The following HERC3 variants were observed in gnomAD, a reference collection of about 807,000 sequenced individuals.
HERC3 encodes probable E3 ubiquitin-protein ligase HERC3.
Under a neutral mutation model 129.9 loss-of-function variants are expected in HERC3, and 58 were observed. That is an observed-to-expected ratio of 0.45 (90% CI 0.36 to 0.56). HERC3 has a LOEUF of 0.56. Ranked by LOEUF, HERC3 falls within the 20% of genes least tolerant of loss-of-function variation. The pLI is 0.00. For synonymous variants in HERC3, 430 were observed against 451.0 expected, an observed-to-expected ratio of 0.95 and a Z score of 0.59; for missense variants, 835 against 1,244.2, an observed-to-expected ratio of 0.67 and a Z score of 4.95.
intron 23 of HERC3, chr4:88,696,733 C>T (rs1241657863): frequency 6.5e-6 from 1 of 154,476 alleles, no homozygotes; most frequent in Non-Finnish European, 1.4e-5. Flanking sequence ...AGCAAAGTCT[C>T]AAAGATGACG....
At chr4:88,657,703 G>A (rs530129804) in intron 9 of HERC3, among the ~76,000 whole-genome samples, 61 of 152,342 alleles carry the variant, frequency 4.0e-4, no homozygotes, top group Middle Eastern at 6.8e-3. Context: ...TAATGTGGGA[G>A]CACAGAGGAA....
the HERC3 span, among the ~76,000 whole-genome samples, chr4:88,566,995 C>T: frequency 1.3e-5 from 2 of 152,038 alleles, no homozygotes. Context: ...CACTTTGTTG[C>T]CCAGGTTGGT....
At chr4:88,697,598 C>T in intron 23 of HERC3, 1 of 1,613,616 alleles carries the variant, frequency 6.2e-7, no homozygotes, top group Non-Finnish European at 8.5e-7. Context: ...TGGGGCTCCT[C>T]AGCCATCTGA....
intron 3 of HERC3, among the ~76,000 whole-genome samples, chr4:88,614,588 C>T (rs1342830578): frequency 1.3e-5 from 2 of 152,140 alleles, no homozygotes; most frequent in South Asian, 4.1e-4. Context: ...ACCCATTAGA[C>T]TACTGTTTGT....
At chr4:88,599,452 C>T (rs1722750272) in intron 2 of HERC3, among the ~76,000 whole-genome samples, 1 of 151,968 alleles carries the variant, frequency 6.6e-6, no homozygotes, top group African/African-American at 2.4e-5. Context: ...TTGAAGTTTT[C>T]TTGAACAATA....
the HERC3 span, among the ~76,000 whole-genome samples, chr4:88,540,946 T>C: frequency 2.6e-5 from 4 of 152,198 alleles, no homozygotes; most frequent in Non-Finnish European, 5.9e-5. Flanking sequence ...AAGGAAGCAC[T>C]AAATATCGAA....
intron 23 of HERC3, chr4:88,697,846 G>A (rs1343755788): frequency 6.7e-7 from 1 of 1,481,482 alleles, no homozygotes; most frequent in East Asian, 2.3e-5. Context: ...GCGGCAAGTG[G>A]CGGTGACGTG....
chr4:88,569,931 C>T, the HERC3 span, among the ~76,000 whole-genome samples: 6 of 152,182 alleles, frequency 3.9e-5, no homozygotes, highest in African/African-American at 9.7e-5. Context: ...CGTGGTGCTG[C>T]CTAATTTAAT....
At chr4:88,646,237 A>G (rs1262714081) in intron 3 of HERC3, among the ~76,000 whole-genome samples, 1 of 152,178 alleles carries the variant, frequency 6.6e-6, no homozygotes. Flanking sequence ...GACTCATATC[A>G]TCCTTCTCAG....
At chr4:88,671,074 G>A (rs1224729435) in intron 16 of HERC3, among the ~76,000 whole-genome samples, 2 of 151,946 alleles carry the variant, frequency 1.3e-5, no homozygotes. Flanking sequence ...TGCCATTCAG[G>A]GGCCTGTGGA....
At chr4:88,605,095 G>T (rs28657836) in intron 2 of HERC3, among the ~76,000 whole-genome samples, 7,253 of 152,244 alleles carry the variant, frequency 0.048, 220 homozygotes, top group Middle Eastern at 0.13. Flanking sequence ...ATTAAAATCT[G>T]TTTGGGGAGT....
chr4:88,527,662 C>T, the HERC3 span: 1 of 292,628 alleles, frequency 3.4e-6, no homozygotes, highest in South Asian at 4.0e-5. Context: ...CTCCCTCATG[C>T]CGGGCAATGT....
chr4:88,546,652 C>T, the HERC3 span, among the ~76,000 whole-genome samples: 1 of 152,110 alleles, frequency 6.6e-6, no homozygotes, highest in Non-Finnish European at 1.5e-5. Context: ...GCTGGGACTA[C>T]AGGCGTGCGC....
At position 88,654,082 on chromosome 4, in the gene HERC3, A is replaced by C. The variant is rs1202365256; in HGVS notation, c.726A>C (p.Gln242His). Reference sequence around the variant, plus strand: ...GCCATGTAAAACTCTTACGCACGCAAAAAGTTGTCTATATTAGTTGTGGAG... The same window carrying C: ...GCCATGTAAAACTCTTACGCACGCACAAAGTTGTCTATATTAGTTGTGGAG... Reference protein sequence around the residue: ...SPCHVKLLRTQKVVYISCGEE... With the variant: ...SPCHVKLLRTHKVVYISCGEE... Residue 242 changes from glutamine to histidine, a missense_variant, in exon 7 of 26, where the codon CAA becomes CAC. Coordinates refer to ENST00000402738, the MANE Select transcript of HERC3 (RefSeq NM_014606.3). The C allele has an allele frequency of 2.5e-6, 4 of 1,613,638 alleles. No individual in the cohort carries two copies. The highest frequency in any genetic ancestry group is 3.4e-6 in the Non-Finnish European group (4 of 1,179,716).
intron 8 of HERC3, 51 bp downstream of exon 8, chr4:88,655,355 C>T: frequency 1.2e-6 from 2 of 1,602,678 alleles, no homozygotes; most frequent in Non-Finnish European, 1.7e-6. Flanking sequence ...AGAAATTGGT[C>T]TTATCTTTGT....
At chr4:88,583,052 C>T in the HERC3 span, among the ~76,000 whole-genome samples, 1 of 152,116 alleles carries the variant, frequency 6.6e-6, no homozygotes, top group Non-Finnish European at 1.5e-5. Context: ...GACTCAATTA[C>T]AGAACTTCCA....
the HERC3 span, among the ~76,000 whole-genome samples, chr4:88,541,592 C>CTAAT: frequency 6.6e-6 from 1 of 152,180 alleles, no homozygotes; most frequent in South Asian, 2.1e-4. Flanking sequence ...ACAAGCAGGC[C>CTAAT]TAATAGACAT....
the HERC3 span, among the ~76,000 whole-genome samples, chr4:88,556,087 T>C: frequency 7.3e-4 from 111 of 152,352 alleles, no homozygotes; most frequent in Non-Finnish European, 1.1e-3. Flanking sequence ...TTTTGCTTTG[T>C]TGATGTTTCC....
intron 21 of HERC3, among the ~76,000 whole-genome samples, chr4:88,685,133 T>C (rs1225887616): frequency 6.6e-6 from 1 of 152,236 alleles, no homozygotes; most frequent in Admixed American, 6.5e-5. Context: ...GGAATGCTTT[T>C]ACACTGTTGG....
Sources: allele counts gnomAD v4.1 joint callset (sites outside exome capture counted in the v4.1 genomes callset), GRCh38; gene constraint gnomAD v4.1.1; transcripts MANE v1.5; gene names NCBI Gene and HGNC (gene_info 2026-07-23, HGNC 2026-07-21).